The following PTPRQ variants were observed in gnomAD, a reference collection of about 807,000 sequenced individuals.
PTPRQ encodes the protein phosphatidylinositol phosphatase PTPRQ.
A neutral mutation model predicts 246.0 loss-of-function variants in PTPRQ; 199 were observed. That is an observed-to-expected ratio of 0.81 (90% confidence interval 0.72 to 0.91). PTPRQ has a LOEUF of 0.91. Among genes scored for constraint, PTPRQ ranks in the 40% least tolerant of loss-of-function variants. The probability of loss-of-function intolerance (pLI) is 0.00; values close to 1 mark genes in which losing one functional copy is unlikely to be tolerated. For missense variants in PTPRQ, 2,624 were observed against 2,528.4 expected, an observed-to-expected ratio of 1.04 and a Z score of -0.81; for synonymous variants, 869 against 853.2, an observed-to-expected ratio of 1.02 and a Z score of -0.32.
intron 17 of PTPRQ, among the ~76,000 whole-genome samples, chr12:80,522,428 C>A (rs933884919): frequency 6.6e-6 from 1 of 152,104 alleles, no homozygotes; most frequent in South Asian, 2.1e-4. Context: ...AGAGGGCATC[C>A]CTGTCTTGTG....
chr12:80,606,343 T>G (rs1898320274), intron 27 of PTPRQ, among the ~76,000 whole-genome samples: 1 of 150,952 alleles, frequency 6.6e-6, no homozygotes, highest in Non-Finnish European at 1.5e-5. Flanking sequence ...GATGACAACC[T>G]AAGGACAGCA....
intron 25 of PTPRQ, among the ~76,000 whole-genome samples, chr12:80,561,850 G>C (rs541308328): frequency 6.6e-6 from 1 of 152,046 alleles, no homozygotes; most frequent in Admixed American, 6.5e-5. Context: ...GGACACCCTT[G>C]CCTTGTTCCT....
At chr12:80,472,287 A>G (rs1036308736) in intron 8 of PTPRQ, 36 bp downstream of exon 8, 1 of 1,548,734 alleles carries the variant, frequency 6.5e-7, no homozygotes, top group African/African-American at 1.4e-5. Flanking sequence ...TATTTTTGGT[A>G]TGCTTATGAA....
At chr12:80,569,627 G>T (rs1037019038) in intron 25 of PTPRQ, among the ~76,000 whole-genome samples, 2 of 151,248 alleles carry the variant, frequency 1.3e-5, no homozygotes, top group Non-Finnish European at 1.5e-5. Flanking sequence ...TGGGATACAT[G>T]CACAGAACAT....
intron 9 of PTPRQ, among the ~76,000 whole-genome samples, chr12:80,486,872 TC>T (rs1024473300): frequency 1.2e-4 from 18 of 152,102 alleles, no homozygotes; most frequent in African/African-American, 3.9e-4. Context: ...CATCCCTCTG[TC>T]CCCCCACTTT....
intron 25 of PTPRQ, among the ~76,000 whole-genome samples, chr12:80,587,302 T>A (rs1335671954): frequency 6.6e-6 from 1 of 152,208 alleles, no homozygotes; most frequent in Admixed American, 6.5e-5. Context: ...ATGTCATCAT[T>A]TTGATTCTCT....
At chr12:80,653,903 A>G (rs1433237137) in intron 38 of PTPRQ, among the ~76,000 whole-genome samples, 1 of 152,204 alleles carries the variant, frequency 6.6e-6, no homozygotes, top group Non-Finnish European at 1.5e-5. Context: ...AATAGCTTTA[A>G]CCACCTAAAT....
chr12:80,449,431 T>C (rs966740479), intron 3 of PTPRQ, among the ~76,000 whole-genome samples: 5 of 152,362 alleles, frequency 3.3e-5, no homozygotes, highest in East Asian at 3.9e-4. Context: ...TTTGGTGTTT[T>C]AGATGTGAAG....
chr12:80,642,876 C>G lies in PTPRQ; in HGVS notation c.5916-6021C>G, dbSNP rs1038786834. Among the ~76,000 whole-genome samples, 4 of 141,456 alleles carry G rather than the reference C, an allele frequency of 2.8e-5. No homozygotes were observed. The South Asian group carries it at 9.3e-4, about 33-fold the overall frequency. The allele number at this position is 141,456 out of a possible 152,430, so 92.8% of individuals were successfully genotyped here. ...CGGAGCTTGCAGTGAGCCGAGATCC[C>G]GCCACTGCACTCCAGCCTGGGCGAC... On this transcript the variant is annotated intron_variant, in intron 35 of 44. Coordinates refer to ENST00000644991, the MANE Select transcript of PTPRQ (RefSeq NM_001145026.2).
chr12:80,606,207 G>A (rs1252705540), intron 27 of PTPRQ, among the ~76,000 whole-genome samples: 1 of 151,030 alleles, frequency 6.6e-6, no homozygotes, highest in Non-Finnish European at 1.5e-5. Flanking sequence ...CCCATTGGCA[G>A]TATTAAATAT....
chr12:80,610,316 T>C (rs1194131181), intron 27 of PTPRQ, 123 bp from the exon 28 acceptor site: 3 of 747,210 alleles, frequency 4.0e-6, no homozygotes, highest in Non-Finnish European at 5.7e-6. Context: ...GCAATCTGAT[T>C]GTAAAATAAA....
At chr12:80,647,089 T>C (rs2096499913) in intron 35 of PTPRQ, among the ~76,000 whole-genome samples, 1 of 152,206 alleles carries the variant, frequency 6.6e-6, no homozygotes, top group Non-Finnish European at 1.5e-5. Context: ...AGATTCTAGT[T>C]ATCTCAGTAA....
chr12:80,458,022 T>C (rs149567913), intron 4 of PTPRQ, among the ~76,000 whole-genome samples: 1 of 152,116 alleles, frequency 6.6e-6, no homozygotes, highest in African/African-American at 2.4e-5. Context: ...ATATGCAAGT[T>C]TATATCCTGC....
At chr12:80,514,810 C>A (rs1895242537) in intron 17 of PTPRQ, among the ~76,000 whole-genome samples, 1 of 144,522 alleles carries the variant, frequency 6.9e-6, no homozygotes, top group Admixed American at 7.0e-5. Context: ...TATTGTATTT[C>A]TGCAATAAGA....
chr12:80,449,436 G>A lies in PTPRQ; in HGVS notation c.390+3719G>A, dbSNP rs1241387859. Among the ~76,000 whole-genome samples, 13 of 152,174 alleles carry A rather than the reference G, an allele frequency of 8.5e-5. 1 individual carries two copies. Among genetic ancestry groups the A allele is most frequent in the Admixed American group, 3.9e-4 (6 of 15,276 alleles). On this transcript the variant is annotated intron_variant, in intron 3 of 44. Transcript: ENST00000644991. ...TGCCATTGCTTTTGGTGTTTTAGAT[G>A]TGAAGTCCTTGCCCATGCCTATGTC...
intron 3 of PTPRQ, among the ~76,000 whole-genome samples, chr12:80,448,240 T>C (rs2120398566): frequency 6.6e-6 from 1 of 152,262 alleles, no homozygotes; most frequent in East Asian, 1.9e-4. Flanking sequence ...ACTGAATTTG[T>C]ATCCCAAAAC....
At chr12:80,485,497 A>T (rs1894244134) in intron 9 of PTPRQ, among the ~76,000 whole-genome samples, 1 of 152,078 alleles carries the variant, frequency 6.6e-6, no homozygotes, top group African/African-American at 2.4e-5. Flanking sequence ...ACATGCTTTC[A>T]TTCTATTTCT....
chr12:80,625,119 G>T (rs1047977609), intron 33 of PTPRQ, among the ~76,000 whole-genome samples: 3 of 152,128 alleles, frequency 2.0e-5, no homozygotes, highest in African/African-American at 4.8e-5. Context: ...ATGGTTAGTG[G>T]CAAGAATGGT....
At position 80,539,279 on chromosome 12, in the gene PTPRQ, G is replaced by T. The variant is rs140446986; in HGVS notation, c.2986-497G>T. ...AGAAGTAAAGTCTGAAAAGAAATGTGAAAGTCTGAAAGCCCACTAAATGTG... is the reference window on the plus strand; with the variant it reads ...AGAAGTAAAGTCTGAAAAGAAATGTTAAAGTCTGAAAGCCCACTAAATGTG... On this transcript the variant is annotated intron_variant, in intron 19 of 44. Coordinates refer to ENST00000644991, the MANE Select transcript of PTPRQ (RefSeq NM_001145026.2). 4.3e-3 allele frequency among the ~76,000 whole-genome samples: 655 copies of T among 152,176 alleles called. 3 individuals carry two copies. Among genetic ancestry groups the T allele is most frequent in the African/African-American group, 0.015 (630 of 41,548 alleles).
Sources: gnomAD v4.1 joint callset for allele counts (sites outside exome capture counted in the v4.1 genomes callset) on GRCh38, gnomAD v4.1.1 for gene constraint, MANE v1.5 for transcripts, NCBI Gene and HGNC (gene_info 2026-07-23, HGNC 2026-07-21) for gene names.